The following ATF7IP variants were observed in gnomAD, a reference collection of about 807,000 sequenced individuals.
The protein encoded by ATF7IP is activating transcription factor 7-interacting protein 1.
ATF7IP carries 23 observed loss-of-function variants against 106.4 expected under a neutral mutation model. The observed-to-expected ratio is 0.22, with a 90% CI of 0.16 to 0.31. The LOEUF (loss-of-function observed/expected upper bound fraction) is 0.31, where lower values mean the gene tolerates loss of function less well. Ranked by LOEUF, ATF7IP falls within the 10% of genes least tolerant of loss-of-function variation. The pLI, the probability that ATF7IP is intolerant of heterozygous loss-of-function variation, is 1.00. For missense variants in ATF7IP, 1,334 were observed against 1,524.3 expected, an observed-to-expected ratio of 0.88 and a Z score of 2.08; for synonymous variants, 542 against 539.0, an observed-to-expected ratio of 1.01 and a Z score of -0.08.
intron 2 of ATF7IP, among the ~76,000 whole-genome samples, chr12:14,432,964 A>C (rs772465961): frequency 2.0e-4 from 30 of 152,338 alleles, no homozygotes; most frequent in Non-Finnish European, 3.1e-4. Flanking sequence ...GATTGACCAA[A>C]AGAACGTTTT....
intron 3 of ATF7IP, 82 bp from the exon 4 acceptor site, chr12:14,436,024 A>C: frequency 7.2e-7 from 1 of 1,384,710 alleles, no homozygotes; most frequent in Non-Finnish European, 9.9e-7. Context: ...GATAGAAATA[A>C]TATTTTGCTA....
chr12:14,371,698 A>G (rs1003593608), intron 1 of ATF7IP, among the ~76,000 whole-genome samples: 2 of 152,158 alleles, frequency 1.3e-5, no homozygotes, highest in Non-Finnish European at 2.9e-5. Context: ...CAGTAGTTAT[A>G]GAATGTTCAT....
At chr12:14,480,902 ATTAG>A (rs1944408052) in intron 12 of ATF7IP, 97 bp from the exon 13 acceptor site, 13 of 1,012,538 alleles carry the variant, frequency 1.3e-5, no homozygotes, top group African/African-American at 1.6e-5. Context: ...TTCTGTCTTT[ATTAG>A]TTAATTAGAT....
chr12:14,455,789 G>A lies in ATF7IP; in HGVS notation c.1996-772G>A, dbSNP rs192292665. Among the ~76,000 whole-genome samples the A allele has an allele frequency of 3.5e-4, 53 of 151,908 alleles. No homozygotes were observed. In the East Asian group the frequency reaches 9.5e-3, roughly 27 times the overall value. On this transcript the variant is annotated intron_variant, in intron 6 of 14. Transcript: ENST00000261168. ...TTTTTTAGAGATGGGGTTTTGCTAC[G>A]TTGCCCAGGCTGGTCTGTAACTCCT...
chr12:14,458,824 GAA>G (rs879391505), intron 8 of ATF7IP, among the ~76,000 whole-genome samples: 3 of 138,814 alleles, frequency 2.2e-5, no homozygotes, highest in Admixed American at 7.2e-5. Flanking sequence ...CCTTGTCTTA[GAA>G]AAAAAAAAAA....
intron 13 of ATF7IP, among the ~76,000 whole-genome samples, chr12:14,488,594 G>T (rs114616356): frequency 0.064 from 9,759 of 152,156 alleles, 689 homozygotes; most frequent in African/African-American, 0.17. Context: ...ACACACGCAG[G>T]ATTAATACTT....
At chr12:14,487,594 T>A (rs941719512) in intron 13 of ATF7IP, among the ~76,000 whole-genome samples, 4 of 152,106 alleles carry the variant, frequency 2.6e-5, no homozygotes, top group African/African-American at 9.7e-5. Flanking sequence ...TTCCAATCAA[T>A]ACCCTCACTT....
In ATF7IP at chr12:14,424,415, G is replaced by A; in HGVS notation, c.500G>A (p.Ser167Asn). 1 of 1,613,722 alleles carries A rather than the reference G, an allele frequency of 6.2e-7. No individual in the cohort carries two copies. The highest frequency in any genetic ancestry group is 8.5e-7 in the Non-Finnish European group (1 of 1,179,840). ...GDPTSSEPSS[S>N]DAASGDATSG... is the part of the protein sequence containing the mutation. ...CCCACCTCTAGCGAGCCCTCCTCTAGTGATGCTGCCTCTGGTGATGCAACC... is the reference window on the plus strand; with the variant it reads ...CCCACCTCTAGCGAGCCCTCCTCTAATGATGCTGCCTCTGGTGATGCAACC... Residue 167 changes from serine to asparagine, a missense_variant, in exon 2 of 15, where the codon AGT becomes AAT. Transcript: ENST00000261168.
Position 14,424,853 on chromosome 12 carries a change from A to T in ATF7IP, c.938A>T (p.Asp313Val). 6.2e-7 allele frequency: 1 copy of T among 1,612,972 alleles called. No homozygotes were observed. The highest frequency in any genetic ancestry group is 8.5e-7 in the Non-Finnish European group (1 of 1,179,756). Reference sequence around the variant, plus strand: ...AATATAGAACCAAGTAGCAATAAAGATGATGATTTTCTTGAAAAAAATGGA... The same window carrying T: ...AATATAGAACCAAGTAGCAATAAAGTTGATGATTTTCTTGAAAAAAATGGA... ...IDNIEPSSNK[D>V]DDFLEKNGAD... The change falls in exon 2 of 15, where the codon GAT becomes GTT. Residue 313 changes from aspartate (D) to valine (V), a missense_variant. Asp to Val is a radical substitution (Grantham distance 152, BLOSUM62 -3). Transcript: ENST00000261168.
At position 14,497,896 on chromosome 12, in the gene ATF7IP, A is replaced by G. The variant is rs768307268; in HGVS notation, c.3636A>G (p.Gln1212=). Residue 1212 remains glutamine (Q), a synonymous_variant, in exon 15 of 15, where the codon CAA becomes CAG. Coordinates refer to ENST00000261168, the MANE Select transcript of ATF7IP (RefSeq NM_018179.5). ...HEEPSATVPS[Q]WKKIGEVKAL... is the part of the protein sequence containing the mutation. Reference sequence around the variant, plus strand: ...AACCCAGTGCCACTGTGCCCTCACAATGGAAAAAGATTGGGGAAGTCAAGG... The same window carrying G: ...AACCCAGTGCCACTGTGCCCTCACAGTGGAAAAAGATTGGGGAAGTCAAGG... 5 of 1,614,158 alleles carry G rather than the reference A, an allele frequency of 3.1e-6. No homozygotes were observed. The highest frequency in any genetic ancestry group is 1.6e-4 in the Middle Eastern group (1 of 6,062).
intron 1 of ATF7IP, among the ~76,000 whole-genome samples, chr12:14,378,082 T>G (rs1047788044): frequency 6.7e-6 from 1 of 149,698 alleles, no homozygotes; most frequent in African/African-American, 2.5e-5. Flanking sequence ...GAACAATATA[T>G]TCAGTATTTT....
At chr12:14,478,989 G>A (rs1392950642) in intron 12 of ATF7IP, among the ~76,000 whole-genome samples, 2 of 152,150 alleles carry the variant, frequency 1.3e-5, no homozygotes, top group East Asian at 3.8e-4. Context: ...AAAGTTACTT[G>A]GCTGCGCAAA....
chr12:14,490,889 T>A (rs913123597), intron 13 of ATF7IP, among the ~76,000 whole-genome samples: 1 of 152,336 alleles, frequency 6.6e-6, no homozygotes, highest in Non-Finnish European at 1.5e-5. Flanking sequence ...AGCACCCAGT[T>A]CATGATGGTC....
intron 13 of ATF7IP, among the ~76,000 whole-genome samples, chr12:14,488,563 C>G (rs1376516388): frequency 6.6e-6 from 1 of 152,154 alleles, no homozygotes; most frequent in Non-Finnish European, 1.5e-5. Flanking sequence ...ATGTTAATCT[C>G]TTTTGGCAAC....
intron 10 of ATF7IP, among the ~76,000 whole-genome samples, chr12:14,469,830 C>T (rs1203730180): frequency 2.0e-5 from 3 of 152,168 alleles, no homozygotes; most frequent in African/African-American, 7.2e-5. Context: ...ACTTCCAAGT[C>T]GTCTGTCTGG....
intron 5 of ATF7IP, among the ~76,000 whole-genome samples, chr12:14,442,133 G>C (rs1352354190): frequency 6.6e-6 from 1 of 151,602 alleles, no homozygotes; most frequent in African/African-American, 2.4e-5. Context: ...ATTTTTTCCT[G>C]GTATATCATT....
intron 1 of ATF7IP, among the ~76,000 whole-genome samples, chr12:14,403,980 G>T (rs1940405528): frequency 6.6e-6 from 1 of 151,934 alleles, no homozygotes; most frequent in African/African-American, 2.4e-5. Context: ...GGAAAGAAAG[G>T]CATACTCTTT....
intron 1 of ATF7IP, among the ~76,000 whole-genome samples, chr12:14,414,019 C>T (rs1941066938): frequency 6.6e-6 from 1 of 152,092 alleles, no homozygotes; most frequent in South Asian, 2.1e-4. Context: ...TTCAGTTTTA[C>T]AGTTGAGGAA....
At chr12:14,422,679 T>A (rs1941599195) in intron 1 of ATF7IP, among the ~76,000 whole-genome samples, 1 of 152,230 alleles carries the variant, frequency 6.6e-6, no homozygotes, top group African/African-American at 2.4e-5. Context: ...CTGGCTTCTC[T>A]CACTCAGCAT....
Sources: gnomAD v4.1 joint callset for allele counts (sites outside exome capture counted in the v4.1 genomes callset) on GRCh38, gnomAD v4.1.1 for gene constraint, MANE v1.5 for transcripts, NCBI Gene and HGNC (gene_info 2026-07-23, HGNC 2026-07-21) for gene names.